Variants in HS6ST2 observed in about 807,000 individuals in gnomAD.
The protein encoded by HS6ST2 is heparan sulfate 6-O-sulfotransferase 2, also known as heparan-sulfate 6-O-sulfotransferase 2.
Under a neutral mutation model 33.0 loss-of-function variants are expected in HS6ST2, and 17 were observed. The ratio of observed to expected loss-of-function variants is 0.52; its 90% CI spans 0.35 to 0.77. The LOEUF is 0.77. Among genes scored for constraint, HS6ST2 ranks in the 30% least tolerant of loss-of-function variants. The pLI, the probability that HS6ST2 is intolerant of heterozygous loss-of-function variation, is 0.01. For missense variants in HS6ST2, 519 were observed against 551.7 expected (o/e 0.94, Z 0.59); for synonymous variants, 248 against 237.1 (o/e 1.05, Z -0.42).
At chrX:132,902,323 A>G (rs1170701248) in intron 2 of HS6ST2, among the ~76,000 whole-genome samples, 2 of 111,249 alleles carry the variant, frequency 1.8e-5, no homozygotes, top group African/African-American at 6.5e-5. Context: ...GGCAGGTCTC[A>G]AACTCCTGAG....
intron 2 of HS6ST2, among the ~76,000 whole-genome samples, chrX:132,927,269 C>T (rs1417769871): frequency 9.0e-6 from 1 of 111,473 alleles, no homozygotes; most frequent in Admixed American, 9.6e-5. Context: ...AAGCCACAAC[C>T]CTGTCTCCCT....
chrX:132,902,573 G>A (rs1291578185), intron 2 of HS6ST2, among the ~76,000 whole-genome samples: 1 of 112,058 alleles, frequency 8.9e-6, no homozygotes, highest in African/African-American at 3.2e-5. Context: ...AATGAAGGAT[G>A]TAAAGACCTT....
intron 3 of HS6ST2, among the ~76,000 whole-genome samples, chrX:132,704,562 A>G (rs1042688305): frequency 8.9e-6 from 1 of 111,799 alleles, no homozygotes; most frequent in Non-Finnish European, 1.9e-5. Context: ...CGTCTCAAAA[A>G]AAAAGAAAAG....
intron 2 of HS6ST2, among the ~76,000 whole-genome samples, chrX:132,847,871 T>C (rs1482852057): frequency 2.7e-5 from 3 of 112,186 alleles, no homozygotes; most frequent in Non-Finnish European, 3.8e-5. Context: ...TTAGACTTGT[T>C]TTGTATGGTT....
chrX:132,880,624 T>G (rs1451140670), intron 2 of HS6ST2, among the ~76,000 whole-genome samples: 1 of 110,986 alleles, frequency 9.0e-6, no homozygotes, highest in East Asian at 2.8e-4. Context: ...AACTTTTTTT[T>G]TCTTTTTTTT....
chrX:132,930,432 T>C (rs1319367032), intron 2 of HS6ST2, among the ~76,000 whole-genome samples: 1 of 111,218 alleles, frequency 9.0e-6, no homozygotes, highest in Non-Finnish European at 1.9e-5. Flanking sequence ...CCCAAAGTGT[T>C]GGGATTACAG....
chrX:132,919,436 G>T (rs1306834403), intron 2 of HS6ST2, among the ~76,000 whole-genome samples: 1 of 111,848 alleles, frequency 8.9e-6, no homozygotes, highest in African/African-American at 3.3e-5. Flanking sequence ...GCCTAAGAAA[G>T]ACTCTCTGGA....
At chrX:132,724,405 A>G (rs888620954) in intron 2 of HS6ST2, among the ~76,000 whole-genome samples, 4 of 112,008 alleles carry the variant, frequency 3.6e-5, no homozygotes, top group Non-Finnish European at 5.6e-5. Flanking sequence ...AATCCCATTT[A>G]CAATAGCCAC....
At chrX:132,771,252 C>T (rs2064896053) in intron 2 of HS6ST2, among the ~76,000 whole-genome samples, 1 of 112,106 alleles carries the variant, frequency 8.9e-6, no homozygotes, top group Non-Finnish European at 1.9e-5. Flanking sequence ...CAAAATGATA[C>T]ACTTTGGGTT....
intron 2 of HS6ST2, among the ~76,000 whole-genome samples, chrX:132,871,872 A>T (rs890451254): frequency 4.5e-5 from 5 of 111,532 alleles, no homozygotes; most frequent in African/African-American, 1.6e-4. Context: ...TGGCATGTGT[A>T]TACATATGTA....
intron 2 of HS6ST2, among the ~76,000 whole-genome samples, chrX:132,929,025 A>G (rs1216074347): frequency 9.0e-6 from 1 of 111,269 alleles, no homozygotes; most frequent in Non-Finnish European, 1.9e-5. Context: ...CAGTGGAGGG[A>G]CAGATGCAAC....
At chrX:132,808,159 G>C (rs1011212269) in intron 2 of HS6ST2, among the ~76,000 whole-genome samples, 7 of 111,108 alleles carry the variant, frequency 6.3e-5, no homozygotes, top group African/African-American at 2.3e-4. Context: ...TAAGACACAG[G>C]ATGAATAAAA....
intron 2 of HS6ST2, among the ~76,000 whole-genome samples, chrX:132,845,410 T>C (rs1161212054): frequency 2.7e-5 from 3 of 111,238 alleles, no homozygotes; most frequent in Non-Finnish European, 3.8e-5. Flanking sequence ...GGGAAGAACA[T>C]AATTTAGCAT....
At position 132,627,197 on chromosome X, in the gene HS6ST2, A is replaced by G. The variant is rs1461351798; in HGVS notation, c.*1026T>C. On this transcript the variant is annotated 3_prime_UTR_variant, in exon 5 of 5. Transcript: ENST00000370833. The stretch of plus-strand genomic sequence containing the variant: ...TATCTGATCAAGAATAACTTCAGCA[A>G]TATTTTTAGACACATTATCCTGTTC... 2.7e-5 allele frequency: 3 copies of G among 112,656 alleles called. No homozygotes were observed. Among genetic ancestry groups the G allele is most frequent in the Non-Finnish European group, 5.6e-5 (3 of 53,244 alleles). 9.3% of individuals were successfully genotyped at this position (112,656 alleles called of 1,213,427 possible).
intron 2 of HS6ST2, among the ~76,000 whole-genome samples, chrX:132,770,167 T>C (rs896384335): frequency 8.9e-6 from 1 of 111,807 alleles, no homozygotes; most frequent in African/African-American, 3.2e-5. Context: ...ATACACATTA[T>C]CTCATTTCCT....
intron 4 of HS6ST2, among the ~76,000 whole-genome samples, chrX:132,636,920 A>G (rs1162113097): frequency 1.8e-5 from 2 of 111,827 alleles, no homozygotes; most frequent in Non-Finnish European, 3.8e-5. Flanking sequence ...CCTGTGAATC[A>G]TATATTATTA....
At chrX:132,687,968 C>G (rs748779521) in intron 3 of HS6ST2, among the ~76,000 whole-genome samples, 1 of 111,609 alleles carries the variant, frequency 9.0e-6, no homozygotes, top group Non-Finnish European at 1.9e-5. Context: ...AGGCTGCTCT[C>G]GAACTCCTGA....
chrX:132,666,253 C>G (rs2063808726), intron 4 of HS6ST2, among the ~76,000 whole-genome samples: 1 of 111,057 alleles, frequency 9.0e-6, no homozygotes, highest in African/African-American at 3.3e-5. Context: ...TTTCCCACCC[C>G]AACCCTGGCA....
chrX:132,844,794 A>T (rs1011466125), intron 2 of HS6ST2, among the ~76,000 whole-genome samples: 1 of 111,601 alleles, frequency 9.0e-6, no homozygotes, highest in Non-Finnish European at 1.9e-5. Flanking sequence ...TCTAATCCTA[A>T]GGATAAAAAT....
Sources: allele counts gnomAD v4.1 joint callset (sites outside exome capture counted in the v4.1 genomes callset), GRCh38; gene constraint gnomAD v4.1.1; transcripts MANE v1.5; gene names NCBI Gene and HGNC (gene_info 2026-07-23, HGNC 2026-07-21).